Variants in GPR39 observed in about 807,000 individuals in gnomAD.
The protein encoded by GPR39 is zinc sensing receptor.
A neutral mutation model predicts 18.4 loss-of-function variants in GPR39; 23 were observed. The ratio of observed to expected loss-of-function variants is 1.25; its 90% CI spans 0.90 to 1.77. The LOEUF (loss-of-function observed/expected upper bound fraction) is 1.77. Among genes scored for constraint, GPR39 ranks in the 40% most tolerant of loss-of-function variants. The probability of loss-of-function intolerance (pLI) is 0.00; values close to 1 mark genes in which losing one functional copy is unlikely to be tolerated. For missense variants in GPR39, 647 were observed against 602.4 expected, an observed-to-expected ratio of 1.07 and a Z score of -0.78; for synonymous variants, 280 against 257.9, an observed-to-expected ratio of 1.09 and a Z score of -0.82.
At chr2:132,429,381 T>A (rs1040641547) in intron 1 of GPR39, among the ~76,000 whole-genome samples, 3 of 152,258 alleles carry the variant, frequency 2.0e-5, no homozygotes, top group African/African-American at 7.2e-5. Flanking sequence ...TGGATGTTTA[T>A]CTTGCTTTTA....
chr2:132,531,647 A>C lies in GPR39; in HGVS notation c.857-113454A>C, dbSNP rs563904898. On this transcript the variant is annotated intron_variant, in intron 1 of 1. Transcript: ENST00000329321. ...AAAAGAACAGAAATTATAACAAACT[A>C]TCTCTCAGACCACAGTGCAATCAAA... 3.4e-3 allele frequency among the ~76,000 whole-genome samples: 511 copies of C among 152,152 alleles called. 3 individuals are homozygous for C. Among genetic ancestry groups the C allele is most frequent in the African/African-American group, 0.011 (450 of 41,538 alleles).
chr2:132,518,134 ATATGT>A (rs1026503879), intron 1 of GPR39, among the ~76,000 whole-genome samples: 2 of 152,212 alleles, frequency 1.3e-5, no homozygotes, highest in Non-Finnish European at 2.9e-5. Context: ...ACTGAGAAAA[ATATGT>A]TATGACCTAG....
rs372501186 is a variant in GPR39, at chr2:132,503,641, G to A, written c.856+85743G>A. 8.1e-4 allele frequency among the ~76,000 whole-genome samples: 124 copies of A among 152,262 alleles called. No individual in the cohort carries two copies. In the Middle Eastern group the frequency reaches 0.027, roughly 33 times the overall value. Reference sequence around the variant, plus strand: ...CTAGGAACAGGTTTCTCAGGTGGTGGGCAGGGCCATAGAACTCCCAAGAGA... The same window carrying A: ...CTAGGAACAGGTTTCTCAGGTGGTGAGCAGGGCCATAGAACTCCCAAGAGA... On this transcript the variant is annotated intron_variant, in intron 1 of 1. Transcript: ENST00000329321.
chr2:132,459,607 A>G (rs1301547261), intron 1 of GPR39, among the ~76,000 whole-genome samples: 2 of 152,324 alleles, frequency 1.3e-5, no homozygotes, highest in South Asian at 2.1e-4. Context: ...AACACTCTGT[A>G]TCCTCTCTGC....
At chr2:132,602,695 A>T (rs1224828505) in intron 1 of GPR39, among the ~76,000 whole-genome samples, 1 of 152,050 alleles carries the variant, frequency 6.6e-6, no homozygotes, top group African/African-American at 2.4e-5. Flanking sequence ...AAAAGCAAAA[A>T]ACTGAATAAT....
At chr2:132,600,416 A>C (rs1681017767) in intron 1 of GPR39, among the ~76,000 whole-genome samples, 1 of 152,184 alleles carries the variant, frequency 6.6e-6, no homozygotes, top group Non-Finnish European at 1.5e-5. Context: ...AACTAAACAA[A>C]ATAGAGGAAA....
chr2:132,427,073 CCTATATATATAATATACATATATA>C (rs1680131353), intron 1 of GPR39, among the ~76,000 whole-genome samples: 2 of 125,752 alleles, frequency 1.6e-5, no homozygotes, highest in Non-Finnish European at 3.3e-5. Context: ...TATATATGTA[CCTATATATATAATATACATATATA>C]GGTACATATA....
At chr2:132,576,836 T>A (rs1680537432) in intron 1 of GPR39, among the ~76,000 whole-genome samples, 1 of 152,232 alleles carries the variant, frequency 6.6e-6, no homozygotes, top group Non-Finnish European at 1.5e-5. Flanking sequence ...TGGCCTCCGA[T>A]GTCCAGTTGC....
At chr2:132,489,172 G>T in intron 1 of GPR39, 1 of 232,546 alleles carries the variant, frequency 4.3e-6, no homozygotes, top group East Asian at 1.1e-4. Flanking sequence ...ACAGCAGTCT[G>T]GTACACAAAT....
chr2:132,629,227 T>C (rs1205051181), intron 1 of GPR39, among the ~76,000 whole-genome samples: 1 of 152,220 alleles, frequency 6.6e-6, no homozygotes, highest in Non-Finnish European at 1.5e-5. Context: ...GATGCTATGA[T>C]GCTAGGACTG....
intron 1 of GPR39, among the ~76,000 whole-genome samples, chr2:132,568,571 T>G (rs944693679): frequency 3.3e-5 from 5 of 151,878 alleles, no homozygotes; most frequent in African/African-American, 1.2e-4. Context: ...CCAGCCTTGG[T>G]GGTGGGCACC....
At chr2:132,448,149 T>G (rs1680571427) in intron 1 of GPR39, among the ~76,000 whole-genome samples, 1 of 152,224 alleles carries the variant, frequency 6.6e-6, no homozygotes. Context: ...TGATGAATTC[T>G]TTTTATGAGA....
rs114798851 is a variant in GPR39 at position 132,486,032 on chromosome 2, A to G, written c.856+68134A>G. On this transcript the variant is annotated intron_variant, in intron 1 of 1. Coordinates refer to ENST00000329321, the MANE Select transcript of GPR39 (RefSeq NM_001508.3). Reference sequence around the variant, plus strand: ...AATTACTCTTTGATCCATGGGCTGAAGAATGAATGTTGTGTTAATAGGTAT... The same window carrying G: ...AATTACTCTTTGATCCATGGGCTGAGGAATGAATGTTGTGTTAATAGGTAT... Among the ~76,000 whole-genome samples the G allele has an allele frequency of 8.6e-3, 1,309 of 152,348 alleles. 24 individuals are homozygous for G. The highest frequency in any genetic ancestry group is 0.03 in the African/African-American group (1,237 of 41,584).
intron 1 of GPR39, among the ~76,000 whole-genome samples, chr2:132,566,478 G>A (rs1272439955): frequency 6.6e-5 from 10 of 152,150 alleles, no homozygotes; most frequent in African/African-American, 2.2e-4. Context: ...GCGGGGTGAG[G>A]CCACAGAAAA....
chr2:132,445,825 C>T (rs1680525011), intron 1 of GPR39, among the ~76,000 whole-genome samples: 1 of 152,112 alleles, frequency 6.6e-6, no homozygotes, highest in Admixed American at 6.5e-5. Context: ...GTATTTGCAC[C>T]AAGTACCAGT....
chr2:132,539,245 A>G (rs943873242), intron 1 of GPR39, among the ~76,000 whole-genome samples: 4 of 152,198 alleles, frequency 2.6e-5, no homozygotes, highest in Admixed American at 6.5e-5. Flanking sequence ...AGAAAAGTAT[A>G]GTACCCGGGT....
intron 1 of GPR39, among the ~76,000 whole-genome samples, chr2:132,529,210 C>T (rs1447681922): frequency 2.6e-5 from 4 of 152,192 alleles, no homozygotes; most frequent in Non-Finnish European, 5.9e-5. Flanking sequence ...GATTATATCC[C>T]ACACCTGGCT....
rs1054907834 is a variant in GPR39, at chr2:132,646,550, A to AATAGACTT, written c.*947_*954dup. 3 of 348,858 alleles carry AATAGACTT rather than the reference A, an allele frequency of 8.6e-6. No homozygotes were observed. The highest frequency in any genetic ancestry group is 6.3e-5 in the African/African-American group (3 of 47,660). The allele number at this position is 348,858 out of a possible 1,614,324, so 21.6% of individuals were successfully genotyped here. A position where few individuals can be genotyped will look rare whatever the true frequency, so the allele number is the denominator to read the frequency against. On this transcript the variant is annotated 3_prime_UTR_variant, in exon 2 of 2. Transcript: ENST00000329321. ...AATACCTGTTAATAAAGAGCTGTTA[A>AATAGACTT]ATAGACTTATTTACATTTTAAGTCA...
chr2:132,507,350 A>G (rs1001759820), intron 1 of GPR39, among the ~76,000 whole-genome samples: 2 of 152,188 alleles, frequency 1.3e-5, no homozygotes, highest in Non-Finnish European at 2.9e-5. Flanking sequence ...AAAAATAAGT[A>G]GGTAAGCCCC....
Sources: gnomAD v4.1 joint callset for allele counts (sites outside exome capture counted in the v4.1 genomes callset) on GRCh38, gnomAD v4.1.1 for gene constraint, MANE v1.5 for transcripts, NCBI Gene and HGNC (gene_info 2026-07-23, HGNC 2026-07-21) for gene names.